CNGB3: variants seen among roughly 807,000 people sequenced by gnomAD.
The protein encoded by CNGB3 is cyclic nucleotide gated channel subunit beta 3.
In CNGB3, 86 loss-of-function variants were observed where a neutral mutation model predicts 92.8. The observed-to-expected ratio is 0.93, with a 90% CI of 0.78 to 1.11. CNGB3 has a LOEUF of 1.11. Ranked by LOEUF, CNGB3 falls within the 50% of genes least tolerant of loss-of-function variation. CNGB3 has a pLI of 0.00. For missense variants in CNGB3, 1,026 were observed against 956.8 expected (o/e 1.07, Z -0.95); for synonymous variants, 333 against 332.7 (o/e 1.00, Z -0.01).
intron 15 of CNGB3, among the ~76,000 whole-genome samples, chr8:86,592,889 A>G (rs1318757798): frequency 3.9e-5 from 6 of 152,218 alleles, no homozygotes; most frequent in Non-Finnish European, 1.5e-5. Flanking sequence ...TGTCAACATT[A>G]TTAGGAAACA....
chr8:86,651,089 A>ATT (rs1377754348), intron 7 of CNGB3, among the ~76,000 whole-genome samples: 1 of 151,742 alleles, frequency 6.6e-6, no homozygotes, highest in Non-Finnish European at 1.5e-5. Flanking sequence ...GTTCTCACTT[A>ATT]TAAGTGGGAG....
chr8:86,592,960 T>A (rs1822079306), intron 15 of CNGB3, among the ~76,000 whole-genome samples: 1 of 152,224 alleles, frequency 6.6e-6, no homozygotes, highest in Non-Finnish European at 1.5e-5. Flanking sequence ...CTTTTATGGC[T>A]AGGCAAATAT....
chr8:86,597,383 G>T (rs1822195555), intron 15 of CNGB3, among the ~76,000 whole-genome samples: 2 of 152,182 alleles, frequency 1.3e-5, no homozygotes. Flanking sequence ...ATAGGTGGTA[G>T]TTCTGGTGCT....
intron 3 of CNGB3, among the ~76,000 whole-genome samples, chr8:86,672,102 T>TTTTG (rs147377877): frequency 6.6e-6 from 1 of 152,110 alleles, no homozygotes; most frequent in Non-Finnish European, 1.5e-5. Context: ...CCTTTTGATT[T>TTTTG]TTTGTTTGTT....
intron 3 of CNGB3, among the ~76,000 whole-genome samples, chr8:86,706,851 G>A (rs1481875598): frequency 6.6e-6 from 1 of 152,158 alleles, no homozygotes. Context: ...TGTGGAATCA[G>A]TTAAAGCTTG....
chr8:86,577,576 T>G (rs1821683440), intron 17 of CNGB3, among the ~76,000 whole-genome samples: 1 of 152,352 alleles, frequency 6.6e-6, no homozygotes, highest in Admixed American at 6.5e-5. Flanking sequence ...AGCCATAATA[T>G]TTTTGTCAAT....
At chr8:86,636,492 G>C (rs2131588680) in intron 10 of CNGB3, among the ~76,000 whole-genome samples, 1 of 137,226 alleles carries the variant, frequency 7.3e-6, no homozygotes, top group South Asian at 2.5e-4. Flanking sequence ...AGAATCGCTT[G>C]AACCCGGGAG....
chr8:86,583,604 C>T (rs1821834127), intron 15 of CNGB3, among the ~76,000 whole-genome samples: 1 of 151,992 alleles, frequency 6.6e-6, no homozygotes, highest in South Asian at 2.1e-4. Flanking sequence ...ATGACAGGGT[C>T]CAGGACTCTC....
intron 3 of CNGB3, among the ~76,000 whole-genome samples, chr8:86,710,179 T>C (rs1387494290): frequency 2.6e-5 from 4 of 152,232 alleles, no homozygotes; most frequent in African/African-American, 9.6e-5. Context: ...AGGTTGCTTG[T>C]AAGTGGTTTT....
At chr8:86,633,551 G>T (rs879301755) in intron 10 of CNGB3, among the ~76,000 whole-genome samples, 3 of 152,158 alleles carry the variant, frequency 2.0e-5, no homozygotes, top group Non-Finnish European at 4.4e-5. Flanking sequence ...CAGCCCAGGT[G>T]GTAGCTGCCA....
At position 86,625,765 on chromosome 8, in the gene CNGB3, T is replaced by C. The variant is rs182442306; in HGVS notation, c.1578+218A>G. 3.6e-3 allele frequency among the ~76,000 whole-genome samples: 551 copies of C among 151,976 alleles called. 8 individuals carry two copies. Among genetic ancestry groups the C allele is most frequent in the African/African-American group, 0.013 (528 of 41,556 alleles). ...GAAGAGTCTGAAGAACTCTTCTTTT[T>C]TGACACCAATTAGAAGAGAAAGAGG... is the stretch of plus-strand genomic sequence containing the variant. On this transcript the variant is annotated intron_variant, in intron 13 of 17. Transcript: ENST00000320005.
chr8:86,738,256 G>A (rs1001561260), intron 2 of CNGB3, among the ~76,000 whole-genome samples: 1 of 152,120 alleles, frequency 6.6e-6, no homozygotes, highest in Non-Finnish European at 1.5e-5. Flanking sequence ...AGGAGAGAAG[G>A]TCTAGAAAGG....
chr8:86,658,980 T>G, intron 6 of CNGB3: 1 of 1,086,312 alleles, frequency 9.2e-7, no homozygotes, highest in Admixed American at 1.7e-5. Flanking sequence ...CACCTGGGCT[T>G]GGAGCTGTCC....
At chr8:86,689,542 ATTTT>A (rs998895225) in intron 3 of CNGB3, among the ~76,000 whole-genome samples, 9 of 149,294 alleles carry the variant, frequency 6.0e-5, no homozygotes, top group Middle Eastern at 3.5e-3. Context: ...TTATTTCTTT[ATTTT>A]TTTATTTTTA....
chr8:86,671,190 A>T (rs1308091906), intron 3 of CNGB3, 92 bp from the exon 4 acceptor site: 3 of 1,420,276 alleles, frequency 2.1e-6, no homozygotes, highest in Admixed American at 1.7e-5. Context: ...TTATATATTC[A>T]AGATTATTAA....
At chr8:86,600,614 C>CTT (rs559441292) in intron 15 of CNGB3, among the ~76,000 whole-genome samples, 7 of 135,436 alleles carry the variant, frequency 5.2e-5, no homozygotes, top group African/African-American at 5.4e-5. Flanking sequence ...TTTTTTTTTT[C>CTT]TTTTTTTTTT....
At chr8:86,642,520 T>C (rs1262729982) in intron 10 of CNGB3, among the ~76,000 whole-genome samples, 2 of 151,700 alleles carry the variant, frequency 1.3e-5, no homozygotes, top group Non-Finnish European at 3.0e-5. Context: ...AGGTAGTATG[T>C]AATTTTGTAA....
chr8:86,739,981 A>G (rs550275010), intron 1 of CNGB3, among the ~76,000 whole-genome samples: 1 of 152,208 alleles, frequency 6.6e-6, no homozygotes, highest in East Asian at 1.9e-4. Flanking sequence ...TCTTGTTCAC[A>G]TTCCTTCAAT....
intron 13 of CNGB3, among the ~76,000 whole-genome samples, chr8:86,619,332 A>G (rs1307796035): frequency 2.0e-5 from 3 of 152,230 alleles, no homozygotes; most frequent in African/African-American, 7.2e-5. Flanking sequence ...ATGAGGGGAA[A>G]TTGCCCATCT....
Sources: gnomAD v4.1 joint callset for allele counts (sites outside exome capture counted in the v4.1 genomes callset) on GRCh38, gnomAD v4.1.1 for gene constraint, MANE v1.5 for transcripts, NCBI Gene and HGNC (gene_info 2026-07-23, HGNC 2026-07-21) for gene names.